The following THSD7B variants were observed in gnomAD, a reference collection of about 807,000 sequenced individuals.
THSD7B encodes the protein thrombospondin type 1 domain containing 7B.
In THSD7B, 138 loss-of-function variants were observed where a neutral mutation model predicts 213.6. The observed-to-expected ratio is 0.65, with a 90% confidence interval of 0.56 to 0.74. The LOEUF (loss-of-function observed/expected upper bound fraction) is 0.74. Ranked by LOEUF, THSD7B falls within the 30% of genes least tolerant of loss-of-function variation. The pLI is 0.00. For missense variants in THSD7B, 1,931 were observed against 1,991.5 expected, an observed-to-expected ratio of 0.97 and a Z score of 0.58; for synonymous variants, 742 against 687.0, an observed-to-expected ratio of 1.08 and a Z score of -1.25.
chr2:136,791,379 G>T (rs184582917), intron 1 of THSD7B, among the ~76,000 whole-genome samples: 1 of 151,786 alleles, frequency 6.6e-6, no homozygotes, highest in Non-Finnish European at 1.5e-5. Flanking sequence ...GATGTAATTC[G>T]CATACCAAAG....
intron 3 of THSD7B, 39 bp from the exon 4 acceptor site, chr2:137,094,834 A>G (rs764432921): frequency 6.3e-7 from 1 of 1,590,684 alleles, no homozygotes; most frequent in Non-Finnish European, 8.6e-7. Context: ...TGCATCCATT[A>G]ATATATGGCC....
At chr2:137,083,054 G>T (rs964467648) in intron 3 of THSD7B, among the ~76,000 whole-genome samples, 1 of 151,986 alleles carries the variant, frequency 6.6e-6, no homozygotes. Flanking sequence ...TAGCTTAACT[G>T]CATGATGTTA....
At chr2:136,831,347 G>A (rs1356177878) in intron 1 of THSD7B, among the ~76,000 whole-genome samples, 1 of 151,896 alleles carries the variant, frequency 6.6e-6, no homozygotes, top group East Asian at 1.9e-4. Flanking sequence ...CCTAATCCTA[G>A]GCAGGCATTT....
chr2:136,867,383 C>T (rs1198165359), intron 1 of THSD7B, among the ~76,000 whole-genome samples: 1 of 152,182 alleles, frequency 6.6e-6, no homozygotes, highest in Non-Finnish European at 1.5e-5. Context: ...GTGCAGTTCA[C>T]CAAGGACAAG....
At chr2:137,005,390 G>A (rs1313414750) in intron 2 of THSD7B, among the ~76,000 whole-genome samples, 5 of 152,140 alleles carry the variant, frequency 3.3e-5, no homozygotes, top group Admixed American at 2.0e-4. Flanking sequence ...TCTCCCCAGG[G>A]CAATGGCTCT....
chr2:137,390,370 T>C (rs375431248), intron 12 of THSD7B, among the ~76,000 whole-genome samples: 35 of 152,314 alleles, frequency 2.3e-4, no homozygotes, highest in African/African-American at 7.7e-4. Context: ...ATGCTACTGA[T>C]TTCTGTATAT....
intron 12 of THSD7B, among the ~76,000 whole-genome samples, chr2:137,401,698 T>TA: frequency 6.6e-6 from 1 of 151,646 alleles, no homozygotes; most frequent in Non-Finnish European, 1.5e-5. Context: ...GGGTTACCAT[T>TA]AAGAGAGCTG....
At chr2:137,345,070 C>T (rs1684846439) in intron 12 of THSD7B, among the ~76,000 whole-genome samples, 1 of 151,682 alleles carries the variant, frequency 6.6e-6, no homozygotes, top group African/African-American at 2.4e-5. Flanking sequence ...GAGGAAGCTA[C>T]TTCTTGCCTT....
chr2:136,970,232 G>A (rs1459734286), intron 2 of THSD7B, among the ~76,000 whole-genome samples: 1 of 152,124 alleles, frequency 6.6e-6, no homozygotes, highest in African/African-American at 2.4e-5. Context: ...GAGAGGCTGA[G>A]GCAGGTGGAT....
At chr2:137,526,927 G>A (rs989298738) in intron 15 of THSD7B, among the ~76,000 whole-genome samples, 2 of 151,986 alleles carry the variant, frequency 1.3e-5, no homozygotes, top group Non-Finnish European at 2.9e-5. Flanking sequence ...CACCAAAGAG[G>A]AAAATCCTCA....
intron 5 of THSD7B, among the ~76,000 whole-genome samples, chr2:137,115,735 G>A (rs895098510): frequency 6.6e-6 from 1 of 152,132 alleles, no homozygotes; most frequent in African/African-American, 2.4e-5. Context: ...TTGTCGCCAA[G>A]TTTTAATTTT....
intron 20 of THSD7B, among the ~76,000 whole-genome samples, chr2:137,629,087 T>A (rs1318546354): frequency 6.6e-6 from 1 of 152,188 alleles, no homozygotes; most frequent in Non-Finnish European, 1.5e-5. Flanking sequence ...ATTGGCACAC[T>A]GAAAGAATTT....
chr2:137,585,260 A>C (rs948899297), intron 17 of THSD7B, among the ~76,000 whole-genome samples: 4 of 151,882 alleles, frequency 2.6e-5, no homozygotes, highest in African/African-American at 9.7e-5. Flanking sequence ...CTAGCACTCT[A>C]TCAATTTTTT....
Position 137,056,568 on chromosome 2 carries a change from T to C in THSD7B, c.288T>C (p.Val96=), listed in dbSNP as rs60939389. The C allele has an allele frequency of 0.12, 188,569 of 1,613,698 alleles. 11,920 individuals carry two copies. Among genetic ancestry groups the C allele is most frequent in the East Asian group, 0.22 (10,015 of 44,854 alleles). ...RPPKERSCFR[V]CDWHSDLFQW... ...CAAAGGAAAGAAGTTGTTTCCGAGT[T>C]TGTGACTGGCACAGTGACCTCTTTC... The change falls in exon 3 of 28, where the codon GTT becomes GTC. Residue 96 remains valine, a synonymous_variant. Transcript: ENST00000409968.
intron 2 of THSD7B, among the ~76,000 whole-genome samples, chr2:137,056,054 A>G (rs1317750157): frequency 1.3e-5 from 2 of 152,206 alleles, no homozygotes; most frequent in Non-Finnish European, 2.9e-5. Flanking sequence ...TAGGCTTTGG[A>G]ACGTAGTAGT....
intron 1 of THSD7B, among the ~76,000 whole-genome samples, chr2:136,790,833 C>G (rs917820472): frequency 2.0e-5 from 3 of 151,854 alleles, no homozygotes; most frequent in African/African-American, 4.8e-5. Flanking sequence ...AGAGAAACAC[C>G]CAAGTGTAGC....
intron 2 of THSD7B, among the ~76,000 whole-genome samples, chr2:136,942,152 G>C (rs1684838751): frequency 6.6e-6 from 1 of 152,082 alleles, no homozygotes; most frequent in Admixed American, 6.5e-5. Flanking sequence ...ATATCAGATG[G>C]CTGTAGATGT....
intron 12 of THSD7B, among the ~76,000 whole-genome samples, chr2:137,388,476 G>GTA (rs1355990231): frequency 6.6e-6 from 1 of 151,980 alleles, no homozygotes; most frequent in Non-Finnish European, 1.5e-5. Context: ...TTGAGTCAGG[G>GTA]TATATATCAC....
intron 15 of THSD7B, among the ~76,000 whole-genome samples, chr2:137,559,880 C>G (rs1324613920): frequency 6.6e-6 from 1 of 151,978 alleles, no homozygotes. Context: ...AAGAAACAGC[C>G]CCATCAACAA....
Sources: gnomAD v4.1 joint callset for allele counts (sites outside exome capture counted in the v4.1 genomes callset) on GRCh38, gnomAD v4.1.1 for gene constraint, MANE v1.5 for transcripts, NCBI Gene and HGNC (gene_info 2026-07-23, HGNC 2026-07-21) for gene names.